The following RBFOX1 variants were observed in gnomAD, a reference collection of about 807,000 sequenced individuals.
RBFOX1 encodes the protein RNA binding protein fox-1 homolog 1.
Under a neutral mutation model 57.7 loss-of-function variants are expected in RBFOX1, and 8 were observed. That is an observed-to-expected ratio of 0.14 (90% CI 0.08 to 0.25). The LOEUF (loss-of-function observed/expected upper bound fraction) is 0.25, where lower values mean the gene tolerates loss of function less well. Ranked by LOEUF, RBFOX1 falls within the 10% of genes least tolerant of loss-of-function variation. The pLI is 1.00. For missense variants in RBFOX1, 611 were observed against 548.5 expected (o/e 1.11, Z -1.14); for synonymous variants, 326 against 222.4 (o/e 1.47, Z -4.15).
intron 3 of RBFOX1, among the ~76,000 whole-genome samples, chr16:6,901,496 G>A (rs561108299): frequency 2.6e-5 from 4 of 152,206 alleles, no homozygotes; most frequent in South Asian, 2.1e-4. Context: ...CATGACTCTC[G>A]ACCTGGAATG....
chr16:6,472,427 T>C (rs1348209452), intron 2 of RBFOX1, among the ~76,000 whole-genome samples: 2 of 152,156 alleles, frequency 1.3e-5, no homozygotes, highest in African/African-American at 4.8e-5. Flanking sequence ...ATGTTGACCC[T>C]ATTTCTGCAC....
intron 2 of RBFOX1, among the ~76,000 whole-genome samples, chr16:5,575,863 G>A (rs375960800): frequency 2.5e-4 from 36 of 142,554 alleles, no homozygotes; most frequent in Middle Eastern, 7.4e-3. Flanking sequence ...AAAAAAAATA[G>A]CATCAAAAGC....
At chr16:7,350,490 C>T (rs1197392035) in intron 4 of RBFOX1, among the ~76,000 whole-genome samples, 4 of 152,046 alleles carry the variant, frequency 2.6e-5, no homozygotes, top group Non-Finnish European at 5.9e-5. Flanking sequence ...AAATGGCAAA[C>T]CCCTGCAGAA....
At chr16:5,949,743 T>G (rs1166560594) in intron 4 of RBFOX1, among the ~76,000 whole-genome samples, 6 of 152,098 alleles carry the variant, frequency 3.9e-5, no homozygotes, top group Admixed American at 2.6e-4. Flanking sequence ...AGCAGCAGCA[T>G]CAACTAGGAG....
chr16:7,405,966 T>C (rs2148937480), intron 4 of RBFOX1, among the ~76,000 whole-genome samples: 1 of 152,176 alleles, frequency 6.6e-6, no homozygotes, highest in East Asian at 1.9e-4. Context: ...GCAACTGACA[T>C]CGAGTAGGTA....
At chr16:7,355,024 C>T (rs1470851920) in intron 4 of RBFOX1, among the ~76,000 whole-genome samples, 1 of 152,052 alleles carries the variant, frequency 6.6e-6, no homozygotes. Context: ...TTGTACTTGC[C>T]CTGTACCAGA....
chr16:7,446,824 T>C (rs2098812134), intron 4 of RBFOX1, among the ~76,000 whole-genome samples: 1 of 136,260 alleles, frequency 7.3e-6, no homozygotes, highest in African/African-American at 2.9e-5. Context: ...TTTTTTTTTT[T>C]TTTTTTGAGA....
chr16:7,082,376 T>C (rs1383778996), intron 4 of RBFOX1, among the ~76,000 whole-genome samples: 3 of 150,992 alleles, frequency 2.0e-5, no homozygotes, highest in Non-Finnish European at 4.4e-5. Flanking sequence ...AGGCCAGGAG[T>C]TTGAGACCAG....
chr16:6,809,551 C>A (rs1677209725), intron 3 of RBFOX1, among the ~76,000 whole-genome samples: 1 of 152,134 alleles, frequency 6.6e-6, no homozygotes, highest in South Asian at 2.1e-4. Context: ...GCACCTGAGA[C>A]TATATCCTAT....
intron 3 of RBFOX1, among the ~76,000 whole-genome samples, chr16:6,702,163 A>C (rs963935810): frequency 6.6e-6 from 1 of 152,226 alleles, no homozygotes; most frequent in African/African-American, 2.4e-5. Context: ...CAAGCCGTTC[A>C]TAAGGGATCT....
intron 2 of RBFOX1, among the ~76,000 whole-genome samples, chr16:6,547,735 A>T (rs1391704580): frequency 1.3e-5 from 2 of 151,884 alleles, no homozygotes; most frequent in African/African-American, 2.4e-5. Context: ...TCTGGGATAC[A>T]TTTCGTTTAG....
At chr16:6,824,142 C>A (rs536987677) in intron 3 of RBFOX1, among the ~76,000 whole-genome samples, 12 of 152,186 alleles carry the variant, frequency 7.9e-5, no homozygotes, top group Non-Finnish European at 1.8e-4. Flanking sequence ...CTGTTGCTGG[C>A]GCCTGTAATC....
intron 3 of RBFOX1, among the ~76,000 whole-genome samples, chr16:6,838,693 A>C: frequency 6.6e-6 from 1 of 152,132 alleles, no homozygotes; most frequent in African/African-American, 2.4e-5. Context: ...TTCCCATGCT[A>C]ATCCCCAGTC....
chr16:7,204,304 G>C (rs1156347208), intron 4 of RBFOX1, among the ~76,000 whole-genome samples: 1 of 152,164 alleles, frequency 6.6e-6, no homozygotes, highest in African/African-American at 2.4e-5. Flanking sequence ...TTTAATCTGA[G>C]GGAGGACAGG....
chr16:6,261,026 T>A (rs1021055871), intron 1 of RBFOX1, among the ~76,000 whole-genome samples: 2 of 152,224 alleles, frequency 1.3e-5, no homozygotes, highest in African/African-American at 4.8e-5. Context: ...ATGAAGACTA[T>A]CTTTTGCTTA....
At chr16:7,535,629 G>A (rs541942460) in intron 5 of RBFOX1, among the ~76,000 whole-genome samples, 12 of 152,180 alleles carry the variant, frequency 7.9e-5, no homozygotes, top group African/African-American at 1.2e-4. Context: ...CTCAAAACTA[G>A]AGTTGGTTCT....
chr16:7,153,664 C>G (rs8052453), intron 4 of RBFOX1, among the ~76,000 whole-genome samples: 1 of 148,838 alleles, frequency 6.7e-6, no homozygotes, highest in Middle Eastern at 3.2e-3. Flanking sequence ...GCAGGAGAAT[C>G]GCTGGAACCC....
chr16:6,111,106 A>T (rs1158981243), intron 1 of RBFOX1, among the ~76,000 whole-genome samples: 1 of 152,150 alleles, frequency 6.6e-6, no homozygotes, highest in Non-Finnish European at 1.5e-5. Flanking sequence ...GCCTTGAAGG[A>T]TGGGCGAGAG....
chr16:7,102,472 A>C (rs2062856394), intron 4 of RBFOX1, among the ~76,000 whole-genome samples: 1 of 152,192 alleles, frequency 6.6e-6, no homozygotes, highest in African/African-American at 2.4e-5. Flanking sequence ...GATATTTATG[A>C]ATCATGAGAT....
Sources: allele counts gnomAD v4.1 joint callset (sites outside exome capture counted in the v4.1 genomes callset), GRCh38; gene constraint gnomAD v4.1.1; transcripts MANE v1.5; gene names NCBI Gene and HGNC (gene_info 2026-07-23, HGNC 2026-07-21).